WDR17: variants seen among roughly 807,000 people sequenced by gnomAD.
WDR17 encodes the protein WD repeat domain 17, also known as WD repeat-containing protein 17.
A neutral mutation model predicts 161.7 loss-of-function variants in WDR17; 143 were observed. That is an observed-to-expected ratio of 0.88 (90% confidence interval 0.77 to 1.02). WDR17 has a LOEUF of 1.02. WDR17 is among the 50% of genes least tolerant of loss of function. WDR17 has a pLI of 0.00. For synonymous variants in WDR17, 517 were observed against 515.6 expected, an observed-to-expected ratio of 1.00 and a Z score of -0.04; for missense variants, 1,469 against 1,520.9, an observed-to-expected ratio of 0.97 and a Z score of 0.57.
rs1744209947 is a variant in WDR17 at position 176,135,201 on chromosome 4, G to T, written c.1192G>T (p.Asp398Tyr). The T allele has an allele frequency of 1.2e-6, 2 of 1,612,380 alleles. No homozygotes were observed. The highest frequency in any genetic ancestry group is 4.5e-5 in the East Asian group (2 of 44,794). Reference sequence around the variant, plus strand: ...ATTTGATGGCACTATAAAAGTCTGGGATATAAACACATTAACAGCAGTGTA... The same window carrying T: ...ATTTGATGGCACTATAAAAGTCTGGTATATAAACACATTAACAGCAGTGTA... ...ASFDGTIKVWDINTLTAVYTS... is the reference protein window; with the variant it reads ...ASFDGTIKVWYINTLTAVYTS... Residue 398 changes from aspartate to tyrosine, a missense_variant, in exon 8 of 29, where the codon GAT becomes TAT. Coordinates refer to ENST00000508596, the MANE Select transcript of WDR17 (RefSeq NM_181265.4).
chr4:176,087,854 AT>A (rs541565908), intron 1 of WDR17, among the ~76,000 whole-genome samples: 7,290 of 148,270 alleles, frequency 0.049, 532 homozygotes, highest in African/African-American at 0.17. Context: ...TAATCAATTA[AT>A]TTTTTTTTTT....
At chr4:176,130,072 C>T (rs1254143666) in intron 6 of WDR17, among the ~76,000 whole-genome samples, 1 of 152,084 alleles carries the variant, frequency 6.6e-6, no homozygotes, top group Non-Finnish European at 1.5e-5. Context: ...TTCAGATTAC[C>T]TCTTCTTTGA....
chr4:176,138,019 G>T (rs1486764844), intron 9 of WDR17, among the ~76,000 whole-genome samples: 1 of 151,618 alleles, frequency 6.6e-6, no homozygotes, highest in Admixed American at 6.6e-5. Context: ...TAGTTTCTTA[G>T]ATTTTCTTCC....
At chr4:176,155,818 C>T (rs1373627528) in intron 17 of WDR17, among the ~76,000 whole-genome samples, 3 of 150,880 alleles carry the variant, frequency 2.0e-5, no homozygotes, top group Non-Finnish European at 4.4e-5. Context: ...CCACCTCAGC[C>T]TCCCAAAGCA....
At chr4:176,169,665 G>A (rs183272114) in intron 23 of WDR17, among the ~76,000 whole-genome samples, 80 of 152,292 alleles carry the variant, frequency 5.3e-4, no homozygotes, top group African/African-American at 1.9e-3. Context: ...CCTAGTGGGT[G>A]AGTATCCCTA....
At chr4:176,112,553 G>A (rs1161994832) in intron 2 of WDR17, among the ~76,000 whole-genome samples, 2 of 152,100 alleles carry the variant, frequency 1.3e-5, no homozygotes, top group Non-Finnish European at 2.9e-5. Flanking sequence ...AGACATCTCA[G>A]TCTTTCATAT....
At chr4:176,140,870 T>C (rs7661836) in intron 10 of WDR17, among the ~76,000 whole-genome samples, 40,780 of 151,982 alleles carry the variant, frequency 0.27, 5,759 homozygotes, top group African/African-American at 0.35. Flanking sequence ...AATACAAAAG[T>C]GCCTAAGAGT....
rs747596634 is a variant in WDR17, at chr4:176,142,045, G to A, written c.1505G>A (p.Gly502Asp). The A allele has an allele frequency of 9.3e-6, 15 of 1,610,660 alleles. No homozygotes were observed. In the East Asian group the frequency reaches 3.1e-4, roughly 34 times the overall value. ...TATAAACATCCAGCTGCAGTGTTTG[G>A]TTGTGATTGGAGCCAAAACAATAAG... ...HKYKHPAAVFGCDWSQNNKDM... is the reference protein window; with the variant it reads ...HKYKHPAAVFDCDWSQNNKDM... The change falls in exon 11 of 29, where the codon GGT becomes GAT. Residue 502 changes from glycine (G) to aspartate (D), a missense_variant. Transcript: ENST00000508596.
chr4:176,070,043 A>G (rs1242910720), intron 1 of WDR17, among the ~76,000 whole-genome samples: 1 of 152,184 alleles, frequency 6.6e-6, no homozygotes, highest in Non-Finnish European at 1.5e-5. Context: ...AGTTACTCTA[A>G]CACCGTTATT....
chr4:176,140,950 CT>C (rs1393563844), intron 10 of WDR17, among the ~76,000 whole-genome samples: 2 of 152,186 alleles, frequency 1.3e-5, no homozygotes, highest in African/African-American at 4.8e-5. Flanking sequence ...ACAGATATCA[CT>C]TTCAGTGACT....
chr4:176,148,342 T>C lies in WDR17; in HGVS notation c.1897+7T>C, dbSNP rs1452005621. ...CACGGTGCAGATGTATATGGTAGAG[T>C]GTCTTTCATTCTTTCATGTATTTGT... On this transcript the variant is annotated splice_region_variant and intron_variant, in intron 13 of 28. Coordinates refer to ENST00000508596, the MANE Select transcript of WDR17 (RefSeq NM_181265.4). 1.2e-6 allele frequency: 2 copies of C among 1,608,642 alleles called. No individual in the cohort carries two copies. The highest frequency in any genetic ancestry group is 1.7e-6 in the Non-Finnish European group (2 of 1,176,852).
At chr4:176,172,856 G>C (rs767854211) in intron 24 of WDR17, among the ~76,000 whole-genome samples, 1 of 152,070 alleles carries the variant, frequency 6.6e-6, no homozygotes, top group African/African-American at 2.4e-5. Flanking sequence ...CTCAGATCTC[G>C]TGTGGACTCA....
intron 12 of WDR17, among the ~76,000 whole-genome samples, chr4:176,147,289 A>G (rs1452575013): frequency 6.6e-6 from 1 of 152,224 alleles, no homozygotes; most frequent in Non-Finnish European, 1.5e-5. Flanking sequence ...TCAGTTTGGC[A>G]TATATCTGTG....
intron 18 of WDR17, 64 bp from the exon 19 acceptor site, chr4:176,159,930 T>C: frequency 7.0e-7 from 1 of 1,421,970 alleles, no homozygotes; most frequent in Non-Finnish European, 9.4e-7. Flanking sequence ...TTTCAGAAAA[T>C]CTCAATTCAC....
At chr4:176,178,248 A>G (rs1468307248) in intron 28 of WDR17, among the ~76,000 whole-genome samples, 1 of 152,138 alleles carries the variant, frequency 6.6e-6, no homozygotes. Context: ...CTCAAAACAT[A>G]ACCAGTATCT....
chr4:176,162,352 A>C (rs1191918003), intron 21 of WDR17, among the ~76,000 whole-genome samples, 178 bp downstream of exon 21: 3 of 152,152 alleles, frequency 2.0e-5, no homozygotes, highest in African/African-American at 7.2e-5. Flanking sequence ...CTCTTGTTTT[A>C]AGCACACATA....
chr4:176,164,626 G>T (rs1749500521), intron 22 of WDR17, among the ~76,000 whole-genome samples: 1 of 152,122 alleles, frequency 6.6e-6, no homozygotes, highest in South Asian at 2.1e-4. Flanking sequence ...TCAGATGAGG[G>T]ATACCCAACC....
intron 2 of WDR17, among the ~76,000 whole-genome samples, chr4:176,112,608 G>A (rs766888026): frequency 6.6e-6 from 1 of 152,038 alleles, no homozygotes; most frequent in Non-Finnish European, 1.5e-5. Flanking sequence ...TACATTGCCT[G>A]TCTAGAGAAC....
At chr4:176,070,809 A>C (rs6829868) in intron 1 of WDR17, among the ~76,000 whole-genome samples, 79,487 of 152,018 alleles carry the variant, frequency 0.52, 22,183 homozygotes, top group South Asian at 0.63. Context: ...AGCCTCTGTG[A>C]CTGGCCCTGT....
Sources: allele counts gnomAD v4.1 joint callset (sites outside exome capture counted in the v4.1 genomes callset), GRCh38; gene constraint gnomAD v4.1.1; transcripts MANE v1.5; gene names NCBI Gene and HGNC (gene_info 2026-07-23, HGNC 2026-07-21).